Variants in LDB2 observed in about 807,000 individuals in gnomAD.
LDB2 encodes the protein LIM domain-binding protein 2.
In LDB2, 12 loss-of-function variants were observed where a neutral mutation model predicts 44.3. The observed-to-expected ratio is 0.27, with a 90% CI of 0.17 to 0.44. The LOEUF is 0.44. Ranked by LOEUF, LDB2 falls within the 20% of genes least tolerant of loss-of-function variation. The pLI, the probability that LDB2 is intolerant of heterozygous loss-of-function variation, is 1.00. For missense variants in LDB2, 344 were observed against 473.5 expected (o/e 0.73, Z 2.54); for synonymous variants, 164 against 174.8 (o/e 0.94, Z 0.49).
intron 2 of LDB2, chr4:16,752,345 C>T (rs1765652248): frequency 2.4e-6 from 1 of 413,610 alleles, no homozygotes; most frequent in Non-Finnish European, 4.7e-6. Flanking sequence ...GGATGAAAAT[C>T]TCACCCTCTG....
At chr4:16,636,807 G>A (rs1733734799) in intron 2 of LDB2, among the ~76,000 whole-genome samples, 1 of 152,182 alleles carries the variant, frequency 6.6e-6, no homozygotes, top group South Asian at 2.1e-4. Context: ...AAGCTCTGAA[G>A]CAGCTGGGTG....
At chr4:16,822,155 C>T (rs960039525) in intron 1 of LDB2, among the ~76,000 whole-genome samples, 2 of 151,942 alleles carry the variant, frequency 1.3e-5, no homozygotes, top group African/African-American at 4.8e-5. Flanking sequence ...ATATACTTGC[C>T]TATGTACAGC....
At chr4:16,798,065 T>G (rs1002187530) in intron 1 of LDB2, among the ~76,000 whole-genome samples, 3 of 151,686 alleles carry the variant, frequency 2.0e-5, no homozygotes, top group Non-Finnish European at 4.4e-5. Flanking sequence ...CTGTATAATC[T>G]TAGGCAAATT....
rs34491459 is a variant in LDB2 at position 16,674,787 on chromosome 4, G to GCA, written c.236-78914_236-78913dup. Among the ~76,000 whole-genome samples the GCA allele has an allele frequency of 6.6e-3, 992 of 150,696 alleles. 7 individuals are homozygous for GCA. The highest frequency in any genetic ancestry group is 0.02 in the African/African-American group (805 of 41,086). ...TTAAAGAAAGAAAAATCTACCGAAA[G>GCA]CACACACACACACACACACATATAC... is the stretch of plus-strand genomic sequence containing the variant. On this transcript the variant is annotated intron_variant, in intron 2 of 7. Transcript: ENST00000304523.
chr4:16,759,197 T>A lies in LDB2; in HGVS notation c.196A>T (p.Thr66Ser). 1 of 1,613,940 alleles carries A rather than the reference T, an allele frequency of 6.2e-7. No individual in the cohort carries two copies. The highest frequency in any genetic ancestry group is 8.5e-7 in the Non-Finnish European group (1 of 1,179,906). Reference sequence around the variant, plus strand: ...CCATCTTCCAAACAAAATGAAAGGGTTAATGTGGCGTCATCTTCAAAAAAT... The same window carrying A: ...CCATCTTCCAAACAAAATGAAAGGGATAATGTGGCGTCATCTTCAAAAAAT... The part of the protein sequence containing the change: ...TEFFEDDATL[T>S]LSFCLEDGPK... The change falls in exon 2 of 8, where the codon ACC becomes TCC. Residue 66 changes from threonine (T) to serine (S), a missense_variant. Around this residue, in one of 3 missense-constraint regions of LDB2, gnomAD observed 226 missense variants for 270.1 expected, o/e 0.84. Coordinates refer to ENST00000304523, the MANE Select transcript of LDB2 (RefSeq NM_001290.5).
intron 2 of LDB2, among the ~76,000 whole-genome samples, chr4:16,687,426 A>G (rs2152574852): frequency 6.6e-6 from 1 of 152,312 alleles, no homozygotes; most frequent in East Asian, 1.9e-4. Flanking sequence ...CTGTCACTAG[A>G]CACCAGATCT....
chr4:16,712,385 C>G lies in LDB2; in HGVS notation c.235+46773G>C, dbSNP rs529074570. On this transcript the variant is annotated intron_variant, in intron 2 of 7. Coordinates refer to ENST00000304523, the MANE Select transcript of LDB2 (RefSeq NM_001290.5). The stretch of plus-strand genomic sequence containing the variant: ...TGGCCAACATGGTGAAACCCCGTCT[C>G]TACTAAAAATTTGAAAATTAGCTGG... Among the ~76,000 whole-genome samples, 3 of 152,146 alleles carry G rather than the reference C, an allele frequency of 2.0e-5. No homozygotes were observed. The South Asian group carries it at 6.2e-4, about 32-fold the overall frequency.
chr4:16,738,976 G>A (rs1211392670), intron 2 of LDB2, among the ~76,000 whole-genome samples: 1 of 152,112 alleles, frequency 6.6e-6, no homozygotes, highest in Non-Finnish European at 1.5e-5. Context: ...TCTGGAATAT[G>A]CCTCAAAATC....
At chr4:16,638,681 T>C (rs1578391833) in intron 2 of LDB2, among the ~76,000 whole-genome samples, 2 of 152,242 alleles carry the variant, frequency 1.3e-5, no homozygotes, top group African/African-American at 4.8e-5. Context: ...GATGTATTCA[T>C]TCAGCAAAAA....
At chr4:16,707,265 A>G (rs1028599985) in intron 2 of LDB2, among the ~76,000 whole-genome samples, 2 of 152,182 alleles carry the variant, frequency 1.3e-5, no homozygotes, top group African/African-American at 4.8e-5. Context: ...TAATAGGACT[A>G]CTATCTTTCT....
At chr4:16,756,211 G>A (rs1389700416) in intron 2 of LDB2, among the ~76,000 whole-genome samples, 1 of 152,192 alleles carries the variant, frequency 6.6e-6, no homozygotes, top group Non-Finnish European at 1.5e-5. Flanking sequence ...TTGGGAGGCC[G>A]AGGCTGGGCT....
At chr4:16,562,444 A>G (rs981097726) in intron 5 of LDB2, among the ~76,000 whole-genome samples, 6 of 152,260 alleles carry the variant, frequency 3.9e-5, no homozygotes, top group Non-Finnish European at 8.8e-5. Context: ...ACATTTATCC[A>G]GCCAACAGAC....
intron 5 of LDB2, among the ~76,000 whole-genome samples, chr4:16,554,612 A>G (rs1738858624): frequency 6.6e-6 from 1 of 152,234 alleles, no homozygotes. Context: ...ATGAGTGATC[A>G]AGCCATGGAA....
intron 1 of LDB2, among the ~76,000 whole-genome samples, chr4:16,872,027 A>G (rs1447676643): frequency 2.0e-5 from 3 of 152,210 alleles, no homozygotes; most frequent in Non-Finnish European, 2.9e-5. Flanking sequence ...AATTGGCTAT[A>G]CAGAATTTAT....
chr4:16,522,885 A>G (rs970260353), intron 5 of LDB2, among the ~76,000 whole-genome samples: 1 of 152,230 alleles, frequency 6.6e-6, no homozygotes, highest in East Asian at 1.9e-4. Flanking sequence ...CACCACAATC[A>G]TTAACAAACA....
At chr4:16,598,460 A>G (rs1201801349) in intron 2 of LDB2, among the ~76,000 whole-genome samples, 5 of 152,188 alleles carry the variant, frequency 3.3e-5, no homozygotes, top group Non-Finnish European at 5.9e-5. Context: ...TGAATCCTTG[A>G]GCTCCAATTG....
At chr4:16,715,255 C>G (rs1756839432) in intron 2 of LDB2, among the ~76,000 whole-genome samples, 1 of 152,170 alleles carries the variant, frequency 6.6e-6, no homozygotes, top group Non-Finnish European at 1.5e-5. Context: ...TTCCATGCTG[C>G]CTCCCATACA....
intron 5 of LDB2, among the ~76,000 whole-genome samples, chr4:16,516,664 T>C (rs1723851186): frequency 2.6e-5 from 4 of 152,208 alleles, no homozygotes; most frequent in Admixed American, 2.6e-4. Context: ...GAGTTACACT[T>C]ATTGTGAGGA....
rs750496839 is a variant in LDB2, at chr4:16,511,978, T to C, written c.739+3A>G. On this transcript the variant is annotated splice_donor_region_variant and intron_variant, in intron 6 of 7. Transcript: ENST00000304523. ...AGAGAGAGAGTGAAGAATGAGGGTG[T>C]ACCTGGCGGAGCCACCATCCTCTGC... is the stretch of plus-strand genomic sequence containing the variant. 4 of 1,612,858 alleles carry C rather than the reference T, an allele frequency of 2.5e-6. No individual in the cohort carries two copies. The South Asian group carries it at 4.4e-5, about 18-fold the overall frequency.
Sources: allele counts gnomAD v4.1 joint callset (sites outside exome capture counted in the v4.1 genomes callset), GRCh38; gene constraint gnomAD v4.1.1; regional missense constraint gnomAD v4.1.1; transcripts MANE v1.5; gene names NCBI Gene and HGNC (gene_info 2026-07-23, HGNC 2026-07-21).